MTR: variants seen among roughly 807,000 people sequenced by gnomAD.
MTR encodes the protein 5-methyltetrahydrofolate-homocysteine methyltransferase, also known as methionine synthase.
Under a neutral mutation model 154.8 loss-of-function variants are expected in MTR, and 84 were observed. That is an observed-to-expected ratio of 0.54 (90% CI 0.45 to 0.65). MTR has a LOEUF of 0.65. Ranked by LOEUF, MTR falls within the 30% of genes least tolerant of loss-of-function variation. The pLI is 0.00. For missense variants in MTR, 1,275 were observed against 1,570.2 expected (o/e 0.81, Z 3.18); for synonymous variants, 554 against 553.9 (o/e 1.00, Z 0.00).
intron 15 of MTR, 112 bp downstream of exon 15, chr1:236,838,711 T>G: frequency 1.2e-5 from 13 of 1,105,308 alleles, no homozygotes; most frequent in Non-Finnish European, 1.6e-5. Flanking sequence ...CATTTATCTC[T>G]TTCCATATAC....
Position 236,852,517 on chromosome 1 carries a change from C to T in MTR, c.1696-4C>T. On this transcript the variant is annotated splice_region_variant and splice_polypyrimidine_tract_variant and intron_variant, in intron 16 of 32. Coordinates refer to ENST00000366577, the MANE Select transcript of MTR (RefSeq NM_000254.3). ...ATCTTTTCATATTTTAAAATTTTTGCCAGGAAACATTACCTGGAGCCAGAA... is the reference window on the plus strand; with the variant it reads ...ATCTTTTCATATTTTAAAATTTTTGTCAGGAAACATTACCTGGAGCCAGAA... The T allele has an allele frequency of 1.2e-6, 2 of 1,610,600 alleles. No homozygotes were observed. The highest frequency in any genetic ancestry group is 8.5e-7 in the Non-Finnish European group (1 of 1,177,004).
chr1:236,874,602 A>C, intron 23 of MTR, 124 bp from the exon 24 acceptor site: 4 of 755,200 alleles, frequency 5.3e-6, no homozygotes, highest in Non-Finnish European at 8.3e-6. Context: ...GGAATTGGGA[A>C]TTCATGTTAG....
intron 8 of MTR, among the ~76,000 whole-genome samples, chr1:236,820,687 T>A (rs1661882647): frequency 6.6e-6 from 1 of 152,182 alleles, no homozygotes; most frequent in Non-Finnish European, 1.5e-5. Context: ...GGGATTGCTG[T>A]ATCTTATGGT....
chr1:236,857,417 G>C lies in MTR; in HGVS notation c.1954-2416G>C, dbSNP rs549214535. On this transcript the variant is annotated intron_variant, in intron 18 of 32. Coordinates refer to ENST00000366577, the MANE Select transcript of MTR (RefSeq NM_000254.3). The stretch of plus-strand genomic sequence containing the variant: ...TTCCCTTAAAAATGTGACTTTGAAT[G>C]TTAATCTGCAGCTTTAGAACTTTGA... 2.0e-5 allele frequency among the ~76,000 whole-genome samples: 3 copies of C among 152,302 alleles called. No homozygotes were observed. The South Asian group carries it at 6.2e-4, about 32-fold the overall frequency.
chr1:236,843,280 G>A (rs748330854), intron 15 of MTR, among the ~76,000 whole-genome samples: 7 of 152,142 alleles, frequency 4.6e-5, no homozygotes, highest in Non-Finnish European at 8.8e-5. Context: ...TGAAAATGTA[G>A]GGGAAGAGTG....
Position 236,852,550 on chromosome 1 carries a change from A to G in MTR, c.1725A>G (p.Gly575=). Residue 575 remains glycine (G), a synonymous_variant, in exon 17 of 33, where the codon GGA becomes GGG. Transcript: ENST00000366577. The part of the protein sequence containing the change: ...KETLPGARIS[G]GLSNLSFSFR... Reference sequence around the variant, plus strand: ...CATTACCTGGAGCCAGAATAAGTGGAGGTCTTTCCAACTTGTCCTTCTCCT... The same window carrying G: ...CATTACCTGGAGCCAGAATAAGTGGGGGTCTTTCCAACTTGTCCTTCTCCT... 6.2e-7 allele frequency: 1 copy of G among 1,614,032 alleles called. No individual in the cohort carries two copies. Among genetic ancestry groups the G allele is most frequent in the Non-Finnish European group, 8.5e-7 (1 of 1,179,940 alleles).
intron 8 of MTR, among the ~76,000 whole-genome samples, chr1:236,818,141 A>G (rs527878033): frequency 6.6e-6 from 1 of 152,306 alleles, no homozygotes; most frequent in South Asian, 2.1e-4. Context: ...GGTTAAGTAA[A>G]TGACACTGTA....
chr1:236,806,020 G>A (rs1054914982), intron 2 of MTR, 124 bp from the exon 3 acceptor site: 4 of 797,528 alleles, frequency 5.0e-6, no homozygotes, highest in Non-Finnish European at 8.7e-6. Flanking sequence ...CTAATGCAGT[G>A]CCTTACTCTT....
At chr1:236,797,975 AAAC>A (rs1313318275) in intron 1 of MTR, among the ~76,000 whole-genome samples, 29 of 151,832 alleles carry the variant, frequency 1.9e-4, no homozygotes, top group African/African-American at 6.5e-4. Context: ...AAACAAAACA[AAAC>A]AAAACAAAAC....
At position 236,859,820 on chromosome 1, in the gene MTR, A is replaced by T; in HGVS notation, c.1954-13A>T. 1 of 1,609,990 alleles carries T rather than the reference A, an allele frequency of 6.2e-7. No individual in the cohort carries two copies. Among genetic ancestry groups the T allele is most frequent in the Middle Eastern group, 1.7e-4 (1 of 6,054 alleles). On this transcript the variant is annotated splice_polypyrimidine_tract_variant and intron_variant, in intron 18 of 32. Transcript: ENST00000366577. ...TGAGTTGTATCCATTTCTTGGTTTC[A>T]ATTTCAATTCAGACTCAAGGCACAG...
chr1:236,894,919 T>C (rs1025403070), intron 30 of MTR: 2 of 361,832 alleles, frequency 5.5e-6, no homozygotes, highest in African/African-American at 2.1e-5. Context: ...CTCGTTGTAA[T>C]GCTGGTGTCA....
chr1:236,871,028 T>G (rs1210554370), intron 22 of MTR, among the ~76,000 whole-genome samples: 1 of 152,178 alleles, frequency 6.6e-6, no homozygotes, highest in Admixed American at 6.5e-5. Context: ...CGGACTTGTT[T>G]CAGTCCCAAG....
rs772089412 is a variant in MTR at position 236,795,515 on chromosome 1, C to T, written c.-189C>T. On this transcript the variant is annotated 5_prime_UTR_variant, in exon 1 of 33. Transcript: ENST00000366577. ...TTGCCGCGCCCAGCCCCGAGAGAGG[C>T]CCTAGGGCGCTGCGGGCTTTCGGGG... The T allele has an allele frequency of 4.6e-6, 7 of 1,525,624 alleles. No homozygotes were observed. The highest frequency in any genetic ancestry group is 1.4e-5 in the African/African-American group (1 of 72,874). 94.5% of individuals were successfully genotyped at this position (1,525,624 alleles called of 1,614,324 possible). A position where few individuals can be genotyped will look rare whatever the true frequency, so the allele number is the denominator to read the frequency against.
intron 15 of MTR, among the ~76,000 whole-genome samples, chr1:236,844,303 C>G (rs1663433128): frequency 6.6e-6 from 1 of 151,982 alleles, no homozygotes; most frequent in Non-Finnish European, 1.5e-5. Context: ...TGTACTGTTT[C>G]CAAGGAGATG....
chr1:236,894,625 G>C (rs1195787495), intron 30 of MTR, 68 bp downstream of exon 30: 1 of 1,539,114 alleles, frequency 6.5e-7, no homozygotes, highest in African/African-American at 1.4e-5. Flanking sequence ...TGGGGTGGGT[G>C]CCTGAAGACT....
At chr1:236,797,599 C>A (rs1186181624) in intron 1 of MTR, among the ~76,000 whole-genome samples, 1 of 151,958 alleles carries the variant, frequency 6.6e-6, no homozygotes, top group Non-Finnish European at 1.5e-5. Flanking sequence ...AATTCTTCTC[C>A]GGCTTATTAA....
intron 3 of MTR, 117 bp from the exon 4 acceptor site, chr1:236,808,587 A>G (rs1661120454): frequency 2.0e-6 from 2 of 1,007,460 alleles, no homozygotes; most frequent in South Asian, 1.3e-5. Flanking sequence ...CAGACCTCAG[A>G]TTAATTCACT....
At chr1:236,889,038 T>A in intron 27 of MTR, 143 bp from the exon 28 acceptor site, 1 of 974,430 alleles carries the variant, frequency 1.0e-6, no homozygotes, top group Non-Finnish European at 1.6e-6. Flanking sequence ...AATTTAAAGT[T>A]CCCCTCTTTG....
intron 21 of MTR, 144 bp from the exon 22 acceptor site, chr1:236,863,310 T>A: frequency 1.4e-6 from 1 of 740,690 alleles, no homozygotes; most frequent in Non-Finnish European, 2.4e-6. Flanking sequence ...TTGAACTGTT[T>A]GGGCTTCGGT....
Sources: allele counts gnomAD v4.1 joint callset (sites outside exome capture counted in the v4.1 genomes callset), GRCh38; gene constraint gnomAD v4.1.1; transcripts MANE v1.5; gene names NCBI Gene and HGNC (gene_info 2026-07-23, HGNC 2026-07-21).